Variants in EGFR observed in about 807,000 individuals in gnomAD.
The protein encoded by EGFR is epidermal growth factor receptor, also known as avian erythroblastic leukemia viral (v-erb-b) oncogene homolog.
EGFR carries 58 observed loss-of-function variants against 143.0 expected under a neutral mutation model. The ratio of observed to expected loss-of-function variants is 0.41; its 90% confidence interval spans 0.33 to 0.50. The LOEUF (loss-of-function observed/expected upper bound fraction) is 0.50. EGFR is among the 20% of genes least tolerant of loss of function. The probability of loss-of-function intolerance (pLI) is 0.39; values close to 1 mark genes in which losing one functional copy is unlikely to be tolerated. For synonymous variants in EGFR, 613 were observed against 594.4 expected (o/e 1.03, Z -0.45); for missense variants, 1,307 against 1,579.0 (o/e 0.83, Z 2.92).
At chr7:55,200,263 T>C (rs1787787153) in intron 23 of EGFR, 53 bp from the exon 24 acceptor site, 1 of 1,526,964 alleles carries the variant, frequency 6.5e-7, no homozygotes, top group South Asian at 1.1e-5. Flanking sequence ...ATGCCATCTT[T>C]ATCATTTCTT....
intron 1 of EGFR, chr7:55,119,275 A>C (rs957253700): frequency 1.3e-5 from 2 of 152,224 alleles, no homozygotes; most frequent in African/African-American, 4.8e-5. Context: ...CATGAGGTGT[A>C]ACAGAGAGAG....
chr7:55,165,181 C>T, intron 14 of EGFR, 99 bp from the exon 15 acceptor site: 2 of 1,556,330 alleles, frequency 1.3e-6, no homozygotes, highest in Non-Finnish European at 8.8e-7. Context: ...TTGGCTTTCC[C>T]CACTCACACA....
chr7:55,092,707 A>G (rs1584018763), intron 1 of EGFR, among the ~76,000 whole-genome samples: 1 of 152,382 alleles, frequency 6.6e-6, no homozygotes, highest in East Asian at 1.9e-4. Context: ...GTCACCGAGC[A>G]CCATGACAGG....
At chr7:55,193,050 T>G (rs962876577) in intron 22 of EGFR, among the ~76,000 whole-genome samples, 1 of 150,846 alleles carries the variant, frequency 6.6e-6, no homozygotes, top group Non-Finnish European at 1.5e-5. Flanking sequence ...CACTGGAGAT[T>G]GCAATGAGCT....
Position 55,206,397 on chromosome 7 carries a change from T to A in EGFR, c.*780T>A, listed in dbSNP as rs376712694. On this transcript the variant is annotated 3_prime_UTR_variant, in exon 28 of 28. Transcript: ENST00000275493. ...GTTTTGAAACTCAGTATGCTGCCCCTGTCTTGCTGTCATGAAATCAGCAAG... is the reference window on the plus strand; with the variant it reads ...GTTTTGAAACTCAGTATGCTGCCCCAGTCTTGCTGTCATGAAATCAGCAAG... 5 of 233,290 alleles carry A rather than the reference T, an allele frequency of 2.1e-5. No individual in the cohort carries two copies. The highest frequency in any genetic ancestry group is 6.6e-5 in the African/African-American group (3 of 45,350). 14.5% of individuals were successfully genotyped at this position (233,290 alleles called of 1,614,324 possible).
In EGFR at chr7:55,204,826, C is replaced by T. The variant is rs1215572760; in HGVS notation, c.3272-430C>T. On this transcript the variant is annotated intron_variant, in intron 27 of 27. Transcript: ENST00000275493. ...TATACACACACCACATATACACACA[C>T]GTACACACACACCACACACACCCAC... Among the ~76,000 whole-genome samples, 13 of 147,650 alleles carry T rather than the reference C, an allele frequency of 8.8e-5. No homozygotes were observed. In the South Asian group the frequency reaches 1.1e-3, roughly 13 times the overall value.
At chr7:55,106,091 G>C (rs1792110981) in intron 1 of EGFR, among the ~76,000 whole-genome samples, 1 of 152,214 alleles carries the variant, frequency 6.6e-6, no homozygotes, top group Non-Finnish European at 1.5e-5. Flanking sequence ...ACCCAGGTCT[G>C]GGAGCCTAGC....
intron 1 of EGFR, among the ~76,000 whole-genome samples, chr7:55,099,339 T>C (rs1791667532): frequency 6.6e-6 from 1 of 152,166 alleles, no homozygotes; most frequent in African/African-American, 2.4e-5. Context: ...TTTTAGACCA[T>C]GAGATGGGTG....
intron 1 of EGFR, among the ~76,000 whole-genome samples, chr7:55,083,451 C>T (rs1241209464): frequency 1.3e-5 from 2 of 152,216 alleles, no homozygotes; most frequent in African/African-American, 2.4e-5. Flanking sequence ...AGACGCCTGA[C>T]GTCAGTGGTC....
chr7:55,170,976 A>T (rs1253366693), intron 15 of EGFR, 199 bp from the exon 16 acceptor site: 7 of 1,449,608 alleles, frequency 4.8e-6, no homozygotes, highest in Non-Finnish European at 6.3e-6. Flanking sequence ...AAACTCAAAA[A>T]TATTTGCTGA....
chr7:55,140,370 G>A (rs1184680294), intron 1 of EGFR, among the ~76,000 whole-genome samples: 4 of 152,054 alleles, frequency 2.6e-5, no homozygotes, highest in Non-Finnish European at 4.4e-5. Flanking sequence ...TGTTTGGCAC[G>A]AGGGGCCCAA....
chr7:55,112,958 G>C (rs1372985595), intron 1 of EGFR, among the ~76,000 whole-genome samples: 1 of 152,190 alleles, frequency 6.6e-6, no homozygotes, highest in Non-Finnish European at 1.5e-5. Context: ...TCCAGAGATA[G>C]TCATCAAGGA....
intron 1 of EGFR, among the ~76,000 whole-genome samples, chr7:55,045,350 A>G (rs1788128318): frequency 2.0e-5 from 3 of 152,258 alleles, no homozygotes; most frequent in Admixed American, 2.0e-4. Context: ...TAAATTACGT[A>G]TATTTTAATC....
chr7:55,198,185 A>G (rs1787698578), intron 22 of EGFR, among the ~76,000 whole-genome samples: 1 of 152,116 alleles, frequency 6.6e-6, no homozygotes, highest in Non-Finnish European at 1.5e-5. Context: ...GGAGCTCATT[A>G]TTGGTCTGTT....
At chr7:55,160,063 C>A in intron 11 of EGFR, 76 bp from the exon 12 acceptor site, 1 of 1,513,392 alleles carries the variant, frequency 6.6e-7, no homozygotes, top group Non-Finnish European at 9.1e-7. Context: ...CAAAGGTGGT[C>A]TGGAGAAACA....
intron 1 of EGFR, among the ~76,000 whole-genome samples, chr7:55,034,114 G>A (rs1474643203): frequency 6.6e-6 from 1 of 152,192 alleles, no homozygotes; most frequent in African/African-American, 2.4e-5. Flanking sequence ...ATCTTGTGAG[G>A]AGGGAGGCAA....
At position 55,173,986 on chromosome 7, in the gene EGFR, A is replaced by C. The variant is rs1786476933; in HGVS notation, c.2127A>C (p.Glu709Asp). 1.2e-6 allele frequency: 2 copies of C among 1,614,110 alleles called. No individual in the cohort carries two copies. Among genetic ancestry groups the C allele is most frequent in the Non-Finnish European group, 1.7e-6 (2 of 1,180,052 alleles). ...PNQALLRILKETEFKKIKVLG... is the reference protein window; with the variant it reads ...PNQALLRILKDTEFKKIKVLG... ...AAGCTCTCTTGAGGATCTTGAAGGA[A>C]ACTGAATTCAAAAAGATCAAAGTGC... The change falls in exon 18 of 28, where the codon GAA becomes GAC. Residue 709 changes from glutamate (E) to aspartate (D), a missense_variant. Around this residue, in one of 7 missense-constraint regions of EGFR, gnomAD observed 348 missense variants for 451.5 expected, o/e 0.77. Coordinates refer to ENST00000275493, the MANE Select transcript of EGFR (RefSeq NM_005228.5).
intron 1 of EGFR, among the ~76,000 whole-genome samples, chr7:55,094,569 C>T (rs1334020569): frequency 6.6e-6 from 1 of 152,230 alleles, no homozygotes; most frequent in African/African-American, 2.4e-5. Flanking sequence ...TGGGTTTCTA[C>T]TAGGAGTCCA....
intron 1 of EGFR, among the ~76,000 whole-genome samples, chr7:55,098,123 G>A (rs1791586106): frequency 6.6e-6 from 1 of 152,180 alleles, no homozygotes; most frequent in Non-Finnish European, 1.5e-5. Context: ...GTAGTTGATG[G>A]AGAAAATAAT....
Sources: allele counts gnomAD v4.1 joint callset (sites outside exome capture counted in the v4.1 genomes callset), GRCh38; gene constraint gnomAD v4.1.1; regional missense constraint gnomAD v4.1.1; transcripts MANE v1.5; gene names NCBI Gene and HGNC (gene_info 2026-07-23, HGNC 2026-07-21).